VPS13B: variants seen among roughly 807,000 people sequenced by gnomAD.
The protein encoded by VPS13B is intermembrane lipid transfer protein VPS13B.
VPS13B carries 285 observed loss-of-function variants against 426.4 expected under a neutral mutation model. The observed-to-expected ratio is 0.67, with a 90% CI of 0.61 to 0.74. VPS13B has a LOEUF of 0.74. Among genes scored for constraint, VPS13B ranks in the 30% least tolerant of loss-of-function variants. The probability of loss-of-function intolerance (pLI) is 0.00; values close to 1 mark genes in which losing one functional copy is unlikely to be tolerated. For missense variants in VPS13B, 4,537 were observed against 4,782.6 expected (o/e 0.95, Z 1.51); for synonymous variants, 1,676 against 1,676.4 (o/e 1.00, Z 0.01).
chr8:99,096,162 A>G, intron 3 of VPS13B, 150 bp from the exon 4 acceptor site: 1 of 786,286 alleles, frequency 1.3e-6, no homozygotes, highest in South Asian at 2.0e-5. Context: ...AATTATGAAA[A>G]TTGGTTATGT....
intron 39 of VPS13B, among the ~76,000 whole-genome samples, chr8:99,722,646 A>G (rs1833177523): frequency 6.6e-6 from 1 of 151,908 alleles, no homozygotes; most frequent in South Asian, 2.1e-4. Context: ...AGATGGGACT[A>G]CAGGTGTCCG....
intron 51 of VPS13B, among the ~76,000 whole-genome samples, chr8:99,824,870 T>G (rs1441901805): frequency 6.6e-6 from 1 of 152,164 alleles, no homozygotes; most frequent in Non-Finnish European, 1.5e-5. Flanking sequence ...GAATGATGGT[T>G]TTCAGCTTCA....
intron 19 of VPS13B, among the ~76,000 whole-genome samples, chr8:99,331,062 C>G (rs1810517162): frequency 6.6e-6 from 1 of 151,722 alleles, no homozygotes; most frequent in East Asian, 1.9e-4. Flanking sequence ...TATGAACTAT[C>G]CATTGAATTT....
At chr8:99,619,728 G>A (rs1471237343) in intron 33 of VPS13B, among the ~76,000 whole-genome samples, 1 of 151,936 alleles carries the variant, frequency 6.6e-6, no homozygotes, top group Admixed American at 6.6e-5. Context: ...AAAAATTACC[G>A]GGTGTGGTGG....
At chr8:99,390,847 C>T (rs1253985256) in intron 20 of VPS13B, among the ~76,000 whole-genome samples, 1 of 152,154 alleles carries the variant, frequency 6.6e-6, no homozygotes, top group Non-Finnish European at 1.5e-5. Flanking sequence ...TATTGGGCAT[C>T]ATCATCAGTA....
At chr8:99,245,583 CAG>C (rs1817171149) in intron 17 of VPS13B, among the ~76,000 whole-genome samples, 1 of 152,198 alleles carries the variant, frequency 6.6e-6, no homozygotes, top group African/African-American at 2.4e-5. Flanking sequence ...TTTATCAAGA[CAG>C]AGTCTTGCTC....
chr8:99,592,248 G>A (rs145446168), intron 33 of VPS13B, among the ~76,000 whole-genome samples: 1,649 of 151,990 alleles, frequency 0.011, 11 homozygotes, highest in Admixed American at 0.017. Flanking sequence ...GCTTCCTTGC[G>A]ATGCATTCGA....
intron 3 of VPS13B, among the ~76,000 whole-genome samples, chr8:99,054,512 GT>G (rs1299278727): frequency 3.3e-5 from 5 of 152,192 alleles, no homozygotes; most frequent in Non-Finnish European, 5.9e-5. Flanking sequence ...TGTAGGTTGT[GT>G]TGTCACATTC....
intron 19 of VPS13B, among the ~76,000 whole-genome samples, chr8:99,277,731 A>G (rs936921462): frequency 3.9e-5 from 6 of 152,130 alleles, no homozygotes; most frequent in Admixed American, 1.3e-4. Flanking sequence ...ACCATACTAT[A>G]TATGTTACTG....
chr8:99,139,712 C>T (rs1049927915), intron 12 of VPS13B, among the ~76,000 whole-genome samples: 2 of 152,180 alleles, frequency 1.3e-5, no homozygotes, highest in South Asian at 2.1e-4. Flanking sequence ...GCTGGGATTA[C>T]AGGTGTGAGC....
chr8:99,589,360 C>A (rs758476316), intron 33 of VPS13B, among the ~76,000 whole-genome samples: 140 of 151,588 alleles, frequency 9.2e-4, no homozygotes, highest in South Asian at 1.2e-3. Context: ...CCCCGCTCCC[C>A]CAACCCCACA....
intron 35 of VPS13B, among the ~76,000 whole-genome samples, chr8:99,675,266 C>A (rs1830884700): frequency 6.6e-6 from 1 of 151,924 alleles, no homozygotes; most frequent in Non-Finnish European, 1.5e-5. Context: ...TATATCATCC[C>A]ACTCTCCTCT....
At chr8:99,376,745 A>G (rs898305617) in intron 19 of VPS13B, among the ~76,000 whole-genome samples, 2 of 152,098 alleles carry the variant, frequency 1.3e-5, no homozygotes, top group African/African-American at 4.8e-5. Flanking sequence ...TTCTTAACAT[A>G]CTTGCATCTT....
In VPS13B at chr8:99,087,286, G is replaced by A. The variant is rs181268372; in HGVS notation, c.292-9026G>A. On this transcript the variant is annotated intron_variant, in intron 3 of 61. Transcript: ENST00000357162. ...GCGGGATTTAATCTCCTGGTGTGCC[G>A]TTTGCTAAGACCGTTGGAAAAGCAC... Among the ~76,000 whole-genome samples the A allele has an allele frequency of 3.9e-4, 59 of 152,270 alleles. 1 individual carries two copies. In the East Asian group the frequency reaches 0.011, roughly 28 times the overall value.
At chr8:99,118,315 T>C (rs2132506407) in intron 7 of VPS13B, among the ~76,000 whole-genome samples, 1 of 152,316 alleles carries the variant, frequency 6.6e-6, no homozygotes, top group South Asian at 2.1e-4. Flanking sequence ...GCCTTTCAAA[T>C]TAAGTTACAT....
At chr8:99,035,106 G>C (rs1222462827) in intron 2 of VPS13B, among the ~76,000 whole-genome samples, 1 of 152,106 alleles carries the variant, frequency 6.6e-6, no homozygotes, top group Non-Finnish European at 1.5e-5. Flanking sequence ...AGGTGGGAGA[G>C]CCCAGGAGTT....
intron 33 of VPS13B, among the ~76,000 whole-genome samples, chr8:99,627,440 G>A (rs1828659284): frequency 1.3e-5 from 2 of 151,814 alleles, no homozygotes; most frequent in Non-Finnish European, 2.9e-5. Flanking sequence ...ATTTGAGGTG[G>A]AATCTCGCTC....
At chr8:99,530,890 T>C (rs1822899787) in intron 30 of VPS13B, among the ~76,000 whole-genome samples, 1 of 152,182 alleles carries the variant, frequency 6.6e-6, no homozygotes, top group African/African-American at 2.4e-5. Context: ...CTCATGCACT[T>C]TACCACTACA....
intron 34 of VPS13B, among the ~76,000 whole-genome samples, chr8:99,651,456 A>G (rs1829810180): frequency 6.6e-6 from 1 of 152,154 alleles, no homozygotes; most frequent in Non-Finnish European, 1.5e-5. Context: ...CCAAGTAGAT[A>G]GTAAGTCTTT....
Sources: allele counts gnomAD v4.1 joint callset (sites outside exome capture counted in the v4.1 genomes callset), GRCh38; gene constraint gnomAD v4.1.1; transcripts MANE v1.5; gene names NCBI Gene and HGNC (gene_info 2026-07-23, HGNC 2026-07-21).